Variants in HECW1 observed in about 807,000 individuals in gnomAD.
HECW1 encodes the protein E3 ubiquitin-protein ligase HECW1.
In HECW1, 61 loss-of-function variants were observed where a neutral mutation model predicts 182.3. The observed-to-expected ratio is 0.33, with a 90% CI of 0.27 to 0.41. The LOEUF (loss-of-function observed/expected upper bound fraction) is 0.41, where lower values mean the gene tolerates loss of function less well. Ranked by LOEUF, HECW1 falls within the 10% of genes least tolerant of loss-of-function variation. The probability of loss-of-function intolerance (pLI) is 1.00; values close to 1 mark genes in which losing one functional copy is unlikely to be tolerated. For synonymous variants in HECW1, 859 were observed against 832.6 expected (o/e 1.03, Z -0.55); for missense variants, 1,739 against 2,108.9 (o/e 0.82, Z 3.44).
chr7:43,124,035 G>A (rs1284292970), intron 2 of HECW1, among the ~76,000 whole-genome samples: 1 of 152,178 alleles, frequency 6.6e-6, no homozygotes, highest in Non-Finnish European at 1.5e-5. Context: ...ATTGGGGGTG[G>A]GTAGGAACTG....
In HECW1 at chr7:43,521,933, G is replaced by T. The variant is rs73329845; in HGVS notation, c.4019+12812G>T. Among the ~76,000 whole-genome samples, 89 of 152,254 alleles carry T rather than the reference G, an allele frequency of 5.8e-4. 1 individual carries two copies. The highest frequency in any genetic ancestry group is 2.1e-3 in the African/African-American group (87 of 41,556). On this transcript the variant is annotated intron_variant, in intron 24 of 29. Transcript: ENST00000395891. ...TTGGGAAAGTGATTAAGTCATGAGG[G>T]CTCCACCTTTGTGAATGGGATCAGT...
rs1322299471 is a variant in HECW1, at chr7:43,563,116, T to G, written c.*1190T>G. ...AGAGAGTGATGGTGCTTGTTAGGGA[T>G]CAAGGGCAACATAGTACTTCTCCTT... On this transcript the variant is annotated 3_prime_UTR_variant, in exon 30 of 30. Coordinates refer to ENST00000395891, the MANE Select transcript of HECW1 (RefSeq NM_015052.5). 9.8e-6 allele frequency: 2 copies of G among 204,038 alleles called. No homozygotes were observed. 12.6% of individuals were successfully genotyped at this position (204,038 alleles called of 1,614,324 possible). A position where few individuals can be genotyped will look rare whatever the true frequency, so the allele number is the denominator to read the frequency against.
intron 3 of HECW1, among the ~76,000 whole-genome samples, chr7:43,277,138 T>A (rs368117572): frequency 1.3e-5 from 2 of 152,180 alleles, no homozygotes; most frequent in African/African-American, 2.4e-5. Flanking sequence ...AGAAATCAGT[T>A]CATTCATTAG....
At chr7:43,485,338 C>T (rs1282023526) in intron 17 of HECW1, among the ~76,000 whole-genome samples, 1 of 152,160 alleles carries the variant, frequency 6.6e-6, no homozygotes, top group Non-Finnish European at 1.5e-5. Flanking sequence ...TGGTCATTTT[C>T]CTCTTGGCTC....
chr7:43,270,778 T>C (rs1802309859), intron 3 of HECW1, among the ~76,000 whole-genome samples: 1 of 152,226 alleles, frequency 6.6e-6, no homozygotes, highest in Non-Finnish European at 1.5e-5. Flanking sequence ...AGTTAAATAA[T>C]GTGGCAATAT....
At chr7:43,145,682 C>T (rs1351217127) in intron 2 of HECW1, among the ~76,000 whole-genome samples, 1 of 152,158 alleles carries the variant, frequency 6.6e-6, no homozygotes, top group African/African-American at 2.4e-5. Context: ...AGTCTGTATG[C>T]TCTCATGTAT....
chr7:43,411,192 T>C (rs1251896647), intron 8 of HECW1, among the ~76,000 whole-genome samples: 2 of 152,150 alleles, frequency 1.3e-5, no homozygotes, highest in Non-Finnish European at 2.9e-5. Context: ...ATTTATACTT[T>C]TATTATCATT....
At chr7:43,386,494 C>T (rs916248890) in intron 6 of HECW1, among the ~76,000 whole-genome samples, 6 of 152,308 alleles carry the variant, frequency 3.9e-5, no homozygotes, top group African/African-American at 1.2e-4. Flanking sequence ...TGTGCATGAG[C>T]CCTGAAGAAG....
At chr7:43,410,489 G>A (rs1352296137) in intron 8 of HECW1, among the ~76,000 whole-genome samples, 1 of 152,108 alleles carries the variant, frequency 6.6e-6, no homozygotes, top group African/African-American at 2.4e-5. Flanking sequence ...TGAACTTGGG[G>A]GTTGGTGGTG....
intron 6 of HECW1, among the ~76,000 whole-genome samples, chr7:43,375,393 CAT>C (rs913563699): frequency 6.6e-6 from 1 of 152,094 alleles, no homozygotes; most frequent in Admixed American, 6.6e-5. Flanking sequence ...AAATTGCCCA[CAT>C]GTCAAATATA....
intron 5 of HECW1, among the ~76,000 whole-genome samples, chr7:43,360,574 C>T (rs35602944): frequency 0.11 from 17,295 of 152,172 alleles, 1,355 homozygotes; most frequent in Non-Finnish European, 0.17. Context: ...GATAGGCATC[C>T]ACCCACCTCA....
Position 43,511,365 on chromosome 7 carries a change from G to T in HECW1, c.4019+2244G>T, listed in dbSNP as rs188505437. ...TCTTCAACGCCACTCTTTGGATGCT[G>T]CTGACTTGTGATGAAATGGGCAGGG... On this transcript the variant is annotated intron_variant, in intron 24 of 29. Coordinates refer to ENST00000395891, the MANE Select transcript of HECW1 (RefSeq NM_015052.5). The T allele has an allele frequency of 4.7e-3, 723 of 152,376 alleles. 7 individuals are homozygous for T. Among genetic ancestry groups the T allele is most frequent in the South Asian group, 5.6e-3 (27 of 4,822 alleles). 9.4% of individuals were successfully genotyped at this position (152,376 alleles called of 1,614,324 possible). A position where few individuals can be genotyped will look rare whatever the true frequency, so the allele number is the denominator to read the frequency against.
chr7:43,279,202 CTG>C (rs1267279292), intron 3 of HECW1, among the ~76,000 whole-genome samples: 1 of 152,096 alleles, frequency 6.6e-6, no homozygotes, highest in East Asian at 1.9e-4. Context: ...TGTGGGGACT[CTG>C]TGATAATGAA....
intron 3 of HECW1, among the ~76,000 whole-genome samples, chr7:43,291,353 T>C (rs1805380336): frequency 6.6e-6 from 1 of 152,124 alleles, no homozygotes; most frequent in South Asian, 2.1e-4. Context: ...TGGCTAACAG[T>C]TTAAAACTTT....
chr7:43,132,680 C>T (rs558829998), intron 2 of HECW1, among the ~76,000 whole-genome samples: 1 of 152,130 alleles, frequency 6.6e-6, no homozygotes, highest in East Asian at 1.9e-4. Context: ...CCAGTGAGTG[C>T]CTTTTATGTT....
chr7:43,477,400 G>T (rs968799442), intron 16 of HECW1, among the ~76,000 whole-genome samples: 6 of 152,162 alleles, frequency 3.9e-5, no homozygotes, highest in African/African-American at 1.4e-4. Flanking sequence ...ATCTCAGCAT[G>T]TATTTGAATA....
intron 5 of HECW1, among the ~76,000 whole-genome samples, chr7:43,342,978 A>C (rs947322956): frequency 2.6e-5 from 4 of 151,624 alleles, no homozygotes; most frequent in African/African-American, 9.8e-5. Context: ...GTGAGCCAAG[A>C]TGCACCACTG....
At chr7:43,437,562 T>A (rs1393705408) in intron 8 of HECW1, among the ~76,000 whole-genome samples, 1 of 152,238 alleles carries the variant, frequency 6.6e-6, no homozygotes, top group Admixed American at 6.5e-5. Flanking sequence ...AGAATTCTTG[T>A]CTCTTCCCCC....
intron 3 of HECW1, among the ~76,000 whole-genome samples, chr7:43,303,357 A>AGAG (rs1422906330): frequency 7.6e-6 from 1 of 131,566 alleles, no homozygotes; most frequent in Non-Finnish European, 1.6e-5. Context: ...AACACCTGCC[A>AGAG]TCAAAGGGCT....
Sources: gnomAD v4.1 joint callset for allele counts (sites outside exome capture counted in the v4.1 genomes callset) on GRCh38, gnomAD v4.1.1 for gene constraint, MANE v1.5 for transcripts, NCBI Gene and HGNC (gene_info 2026-07-23, HGNC 2026-07-21) for gene names.